The following CNTNAP2 variants were observed in gnomAD, a reference collection of about 807,000 sequenced individuals.
The protein encoded by CNTNAP2 is contactin-associated protein-like 2.
CNTNAP2 carries 98 observed loss-of-function variants against 155.2 expected under a neutral mutation model. That is an observed-to-expected ratio of 0.63 (90% CI 0.54 to 0.75). The LOEUF is 0.75. Ranked by LOEUF, CNTNAP2 falls within the 30% of genes least tolerant of loss-of-function variation. The pLI, the probability that CNTNAP2 is intolerant of heterozygous loss-of-function variation, is 0.00. For synonymous variants in CNTNAP2, 651 were observed against 631.2 expected, an observed-to-expected ratio of 1.03 and a Z score of -0.47; for missense variants, 1,727 against 1,688.1, an observed-to-expected ratio of 1.02 and a Z score of -0.40.
chr7:147,030,619 A>G (rs1799011978), intron 3 of CNTNAP2, among the ~76,000 whole-genome samples: 1 of 152,144 alleles, frequency 6.6e-6, no homozygotes, highest in Admixed American at 6.6e-5. Flanking sequence ...ATACTTTTAT[A>G]TCAATTTGTT....
At chr7:146,299,668 A>G (rs1185292033) in intron 1 of CNTNAP2, among the ~76,000 whole-genome samples, 1 of 152,152 alleles carries the variant, frequency 6.6e-6, no homozygotes, top group Non-Finnish European at 1.5e-5. Context: ...TCCAAAATGC[A>G]GGGATAACAA....
chr7:147,768,661 G>T (rs543019890), intron 13 of CNTNAP2, among the ~76,000 whole-genome samples: 1 of 152,004 alleles, frequency 6.6e-6, no homozygotes, highest in Admixed American at 6.6e-5. Flanking sequence ...TGACTGATGT[G>T]CTTATTAATG....
At chr7:148,062,274 G>A (rs964998829) in intron 15 of CNTNAP2, among the ~76,000 whole-genome samples, 3 of 151,940 alleles carry the variant, frequency 2.0e-5, no homozygotes, top group African/African-American at 7.3e-5. Context: ...AGGTAACAAA[G>A]ACTTCAAAAA....
chr7:148,213,457 G>A (rs1399313728), intron 18 of CNTNAP2, among the ~76,000 whole-genome samples: 1 of 151,996 alleles, frequency 6.6e-6, no homozygotes, highest in East Asian at 1.9e-4. Context: ...CCCTCCCTAG[G>A]CCAGGTTCTG....
At position 147,527,018 on chromosome 7, in the gene CNTNAP2, T is replaced by TTC. The variant is rs1389957242; in HGVS notation, c.1778-35119_1778-35118insCT. ...GAATTATGGAAGACAGGCATTTCTT[T>TTC]TTTTTTTTTTTTTTTTTTTTTTTTG... On this transcript the variant is annotated intron_variant, in intron 11 of 23. Transcript: ENST00000361727. Among the ~76,000 whole-genome samples the TTC allele has an allele frequency of 3.8e-5, 3 of 78,884 alleles. 1 individual carries two copies. The highest frequency in any genetic ancestry group is 1.2e-4 in the African/African-American group (3 of 25,164). 51.8% of individuals were successfully genotyped at this position (78,884 alleles called of 152,430 possible). A position where few individuals can be genotyped will look rare whatever the true frequency, so the allele number is the denominator to read the frequency against.
chr7:147,649,629 A>G (rs1353665280), intron 13 of CNTNAP2, among the ~76,000 whole-genome samples: 1 of 152,136 alleles, frequency 6.6e-6, no homozygotes, highest in African/African-American at 2.4e-5. Flanking sequence ...GTATGAGTTT[A>G]TAGAGTTGCA....
chr7:147,269,140 T>A (rs1277643043), intron 8 of CNTNAP2, among the ~76,000 whole-genome samples: 3 of 152,160 alleles, frequency 2.0e-5, no homozygotes, highest in African/African-American at 7.2e-5. Flanking sequence ...AAAGCTTAAT[T>A]CACCTTGCAG....
chr7:146,215,681 A>G (rs1005414088), intron 1 of CNTNAP2, among the ~76,000 whole-genome samples: 33 of 152,154 alleles, frequency 2.2e-4, no homozygotes, highest in African/African-American at 7.2e-4. Context: ...AACTTCCTGT[A>G]TGGAATGAAG....
intron 11 of CNTNAP2, among the ~76,000 whole-genome samples, chr7:147,558,241 G>A (rs1364157553): frequency 6.6e-6 from 1 of 151,970 alleles, no homozygotes; most frequent in African/African-American, 2.4e-5. Flanking sequence ...TTGACATTAT[G>A]GTTTTGCATC....
chr7:147,451,791 A>C (rs1334764292), intron 10 of CNTNAP2, among the ~76,000 whole-genome samples: 2 of 151,566 alleles, frequency 1.3e-5, no homozygotes. Context: ...ACTCACATTG[A>C]AATTTAATTG....
At chr7:147,986,243 C>T (rs908373979) in intron 15 of CNTNAP2, among the ~76,000 whole-genome samples, 20 of 152,230 alleles carry the variant, frequency 1.3e-4, no homozygotes, top group African/African-American at 4.1e-4. Context: ...ATAATACATT[C>T]GATTTACTTG....
chr7:146,786,180 G>T (rs146284123), intron 2 of CNTNAP2, among the ~76,000 whole-genome samples: 1 of 152,140 alleles, frequency 6.6e-6, no homozygotes, highest in African/African-American at 2.4e-5. Flanking sequence ...ATGAGTGACT[G>T]TATTTTTCAA....
At chr7:147,452,152 T>C (rs1269666291) in intron 10 of CNTNAP2, among the ~76,000 whole-genome samples, 2 of 152,224 alleles carry the variant, frequency 1.3e-5, no homozygotes, top group African/African-American at 4.8e-5. Context: ...AGATAGGCTT[T>C]CGACTACAAA....
At chr7:147,255,540 G>A (rs1804302562) in intron 8 of CNTNAP2, among the ~76,000 whole-genome samples, 2 of 151,900 alleles carry the variant, frequency 1.3e-5, no homozygotes, top group Non-Finnish European at 2.9e-5. Flanking sequence ...TATGTTGTAC[G>A]CATTGGGTAC....
At chr7:148,228,821 C>G (rs1795905691) in intron 19 of CNTNAP2, among the ~76,000 whole-genome samples, 1 of 67,690 alleles carries the variant, frequency 1.5e-5, no homozygotes, top group Non-Finnish European at 3.2e-5. Context: ...GAGCGAGACT[C>G]TGTTTCAAAA....
intron 1 of CNTNAP2, among the ~76,000 whole-genome samples, chr7:146,682,344 T>C (rs1302250188): frequency 6.6e-6 from 1 of 152,308 alleles, no homozygotes; most frequent in South Asian, 2.1e-4. Context: ...AAGGTTATAT[T>C]ACATTAATCT....
At position 146,985,308 on chromosome 7, in the gene CNTNAP2, A is replaced by ATTTTTTTTT. The variant is rs71165057; in HGVS notation, c.403-58578_403-58570dup. ...CAAAGTGCTTGTGGAAAATGCTTGA[A>ATTTTTTTTT]TTTTTTTTTTTTTTTTTTTTTTTTT... On this transcript the variant is annotated intron_variant, in intron 3 of 23. Coordinates refer to ENST00000361727, the MANE Select transcript of CNTNAP2 (RefSeq NM_014141.6). Among the ~76,000 whole-genome samples the ATTTTTTTTT allele has an allele frequency of 4.0e-4, 51 of 127,838 alleles. 2 individuals are homozygous for ATTTTTTTTT. The highest frequency in any genetic ancestry group is 1.6e-3 in the African/African-American group (51 of 32,008). The allele number at this position is 127,838 out of a possible 152,430, so 83.9% of individuals were successfully genotyped here. A position where few individuals can be genotyped will look rare whatever the true frequency, so the allele number is the denominator to read the frequency against.
At chr7:147,289,566 A>G (rs1805257093) in intron 8 of CNTNAP2, among the ~76,000 whole-genome samples, 2 of 152,192 alleles carry the variant, frequency 1.3e-5, no homozygotes, top group Non-Finnish European at 2.9e-5. Flanking sequence ...GTATAAACAT[A>G]TTCCTACTAA....
At chr7:147,196,200 C>G (rs147335515) in intron 8 of CNTNAP2, among the ~76,000 whole-genome samples, 2 of 152,248 alleles carry the variant, frequency 1.3e-5, no homozygotes, top group Non-Finnish European at 2.9e-5. Flanking sequence ...AAATAAATGT[C>G]TATGGTTTAA....
Sources: allele counts gnomAD v4.1 joint callset (sites outside exome capture counted in the v4.1 genomes callset), GRCh38; gene constraint gnomAD v4.1.1; transcripts MANE v1.5; gene names NCBI Gene and HGNC (gene_info 2026-07-23, HGNC 2026-07-21).